PRKG1: variants seen among roughly 807,000 people sequenced by gnomAD.
The protein encoded by PRKG1 is cGMP-dependent protein kinase 1.
In PRKG1, 35 loss-of-function variants were observed where a neutral mutation model predicts 88.1. The observed-to-expected ratio is 0.40, with a 90% CI of 0.30 to 0.53. The LOEUF is 0.53. PRKG1 is among the 20% of genes least tolerant of loss of function. The pLI, the probability that PRKG1 is intolerant of heterozygous loss-of-function variation, is 0.59. For synonymous variants in PRKG1, 303 were observed against 292.5 expected (o/e 1.04, Z -0.37); for missense variants, 540 against 839.8 (o/e 0.64, Z 4.41).
chr10:51,459,035 C>T (rs1399408234), intron 2 of PRKG1, among the ~76,000 whole-genome samples: 1 of 152,022 alleles, frequency 6.6e-6, no homozygotes, highest in Non-Finnish European at 1.5e-5. Flanking sequence ...GTGAAATGAC[C>T]TTAAGATACA....
intron 1 of PRKG1, among the ~76,000 whole-genome samples, chr10:51,004,637 T>C (rs1371249558): frequency 6.6e-6 from 1 of 152,164 alleles, no homozygotes; most frequent in Non-Finnish European, 1.5e-5. Context: ...TTCATGAGAA[T>C]GCTCTTTTCG....
At chr10:51,971,437 T>A (rs1471127740) in intron 5 of PRKG1, among the ~76,000 whole-genome samples, 1 of 152,068 alleles carries the variant, frequency 6.6e-6, no homozygotes, top group Non-Finnish European at 1.5e-5. Context: ...ATTTTACTTA[T>A]CTTTTTGTTA....
At chr10:51,011,938 G>A (rs1842998732) in intron 1 of PRKG1, among the ~76,000 whole-genome samples, 1 of 152,178 alleles carries the variant, frequency 6.6e-6, no homozygotes, top group South Asian at 2.1e-4. Flanking sequence ...GAAGTTGAAA[G>A]GCATGTCTTC....
chr10:51,911,092 A>G (rs994246734), intron 5 of PRKG1: 18 of 152,344 alleles, frequency 1.2e-4, no homozygotes, highest in African/African-American at 4.3e-4. Context: ...ACATTGTCAC[A>G]TTTGACTCCT....
chr10:51,577,575 G>A (rs1438842786), intron 3 of PRKG1, among the ~76,000 whole-genome samples: 2 of 151,932 alleles, frequency 1.3e-5, no homozygotes, highest in African/African-American at 4.8e-5. Flanking sequence ...AAGTAGTTTT[G>A]AATATTTTCA....
chr10:51,347,540 C>A (rs554432381), intron 2 of PRKG1, among the ~76,000 whole-genome samples: 1 of 151,854 alleles, frequency 6.6e-6, no homozygotes, highest in Non-Finnish European at 1.5e-5. Context: ...ACTGGTAATG[C>A]CATTTTTAGT....
chr10:51,363,358 T>C (rs1022302548), intron 2 of PRKG1, among the ~76,000 whole-genome samples: 3 of 151,930 alleles, frequency 2.0e-5, no homozygotes, highest in Admixed American at 1.3e-4. Flanking sequence ...TTTTCATCTC[T>C]CACGGAATCT....
intron 3 of PRKG1, among the ~76,000 whole-genome samples, chr10:51,551,757 A>G (rs937020902): frequency 2.0e-5 from 3 of 151,796 alleles, no homozygotes; most frequent in African/African-American, 7.2e-5. Flanking sequence ...CGACTACATC[A>G]TGGAAATTGT....
At chr10:51,020,229 T>C (rs1255735523) in intron 1 of PRKG1, among the ~76,000 whole-genome samples, 1 of 152,202 alleles carries the variant, frequency 6.6e-6, no homozygotes, top group African/African-American at 2.4e-5. Context: ...CTTGAACTCC[T>C]GAGTTTAAGC....
intron 3 of PRKG1, among the ~76,000 whole-genome samples, chr10:51,540,942 C>T (rs1428398161): frequency 6.6e-6 from 1 of 152,186 alleles, no homozygotes; most frequent in Non-Finnish European, 1.5e-5. Context: ...TGGTCTCGAA[C>T]TCCTGACCTC....
At chr10:51,388,401 C>T (rs1443285314) in intron 2 of PRKG1, among the ~76,000 whole-genome samples, 3 of 152,120 alleles carry the variant, frequency 2.0e-5, no homozygotes, top group Non-Finnish European at 2.9e-5. Flanking sequence ...TTTTATTACA[C>T]CACACAAATC....
At chr10:51,046,937 T>TGGGATGAGTC (rs1300986796) in intron 1 of PRKG1, among the ~76,000 whole-genome samples, 8 of 152,232 alleles carry the variant, frequency 5.3e-5, no homozygotes, top group Admixed American at 5.2e-4. Flanking sequence ...CAGATGCTCA[T>TGGGATGAGTC]GGGATGAGTC....
intron 3 of PRKG1, among the ~76,000 whole-genome samples, chr10:51,660,552 T>G (rs980747412): frequency 2.9e-4 from 44 of 152,132 alleles, no homozygotes; most frequent in African/African-American, 1.0e-3. Flanking sequence ...ACGAAAAGCT[T>G]ATAGTGACTC....
At position 51,573,746 on chromosome 10, in the gene PRKG1, T is replaced by C. The variant is rs112698938; in HGVS notation, c.592+105910T>C. ...ACTCTGTCAGTGAGCAGAAATACTT[T>C]ACATGTTGAACTCGGTAAAAGTCTT... On this transcript the variant is annotated intron_variant, in intron 3 of 17. Transcript: ENST00000373980. Among the ~76,000 whole-genome samples, 846 of 152,002 alleles carry C rather than the reference T, an allele frequency of 5.6e-3. 7 individuals carry two copies. Among genetic ancestry groups the C allele is most frequent in the African/African-American group, 0.019 (791 of 41,536 alleles).
In PRKG1 at chr10:51,577,752, G is replaced by A. The variant is rs7077591; in HGVS notation, c.592+109916G>A. 2.4e-3 allele frequency among the ~76,000 whole-genome samples: 368 copies of A among 152,032 alleles called. 3 individuals are homozygous for A. The highest frequency in any genetic ancestry group is 8.6e-3 in the African/African-American group (357 of 41,458). On this transcript the variant is annotated intron_variant, in intron 3 of 17. Coordinates refer to ENST00000373980, the MANE Select transcript of PRKG1 (RefSeq NM_006258.4). ...TGGAGTTTTGTTTTGGTTACCTGCAGTTTGGTTTTGATTACCTATGTTTAT... is the reference window on the plus strand; with the variant it reads ...TGGAGTTTTGTTTTGGTTACCTGCAATTTGGTTTTGATTACCTATGTTTAT...
chr10:52,106,487 C>T (rs979598572), intron 7 of PRKG1, among the ~76,000 whole-genome samples: 1 of 151,984 alleles, frequency 6.6e-6, no homozygotes, highest in Non-Finnish European at 1.5e-5. Context: ...CCTTCGGGAA[C>T]AGCATCGCAC....
intron 3 of PRKG1, among the ~76,000 whole-genome samples, chr10:51,638,067 T>C (rs1839703337): frequency 6.6e-6 from 1 of 152,176 alleles, no homozygotes; most frequent in Non-Finnish European, 1.5e-5. Flanking sequence ...GCATTGTAGG[T>C]CTTTCACCAA....
intron 2 of PRKG1, among the ~76,000 whole-genome samples, chr10:51,211,719 G>C (rs1479412414): frequency 6.6e-6 from 1 of 152,136 alleles, no homozygotes; most frequent in East Asian, 1.9e-4. Context: ...ATTCACAATT[G>C]CTTCAAAGAG....
intron 10 of PRKG1, among the ~76,000 whole-genome samples, chr10:52,263,322 G>A (rs776246685): frequency 6.6e-5 from 10 of 151,980 alleles, no homozygotes; most frequent in Non-Finnish European, 8.8e-5. Flanking sequence ...AATGAAACAT[G>A]TAGCTACCTG....
Sources: allele counts gnomAD v4.1 joint callset (sites outside exome capture counted in the v4.1 genomes callset), GRCh38; gene constraint gnomAD v4.1.1; transcripts MANE v1.5; gene names NCBI Gene and HGNC (gene_info 2026-07-23, HGNC 2026-07-21).